The following NPHP1 variants were observed in gnomAD, a reference collection of about 807,000 sequenced individuals.
NPHP1 encodes the protein nephrocystin-1.
A neutral mutation model predicts 90.4 loss-of-function variants in NPHP1; 70 were observed. The observed-to-expected ratio is 0.77, with a 90% CI of 0.64 to 0.95. The LOEUF (loss-of-function observed/expected upper bound fraction) is 0.95. NPHP1 is among the 40% of genes least tolerant of loss of function. NPHP1 has a pLI of 0.00. For synonymous variants in NPHP1, 256 were observed against 271.7 expected, an observed-to-expected ratio of 0.94 and a Z score of 0.57; for missense variants, 764 against 795.9, an observed-to-expected ratio of 0.96 and a Z score of 0.48.
chr2:110,140,613 G>A (rs1041455369), intron 16 of NPHP1, among the ~76,000 whole-genome samples: 20 of 152,054 alleles, frequency 1.3e-4, no homozygotes, highest in African/African-American at 4.6e-4. Context: ...CCGGACTCTT[G>A]GAAGCTTATC....
chr2:110,194,170 A>C (rs2104683278), intron 2 of NPHP1, among the ~76,000 whole-genome samples: 1 of 152,278 alleles, frequency 6.6e-6, no homozygotes, highest in South Asian at 2.1e-4. Flanking sequence ...AGCAGAACTG[A>C]AGGAGATAGA....
chr2:110,149,829 C>T (rs1311672718), intron 12 of NPHP1, among the ~76,000 whole-genome samples: 1 of 152,136 alleles, frequency 6.6e-6, no homozygotes, highest in Non-Finnish European at 1.5e-5. Flanking sequence ...TGTAGCAGTC[C>T]CTCAGGCGTC....
At chr2:110,146,928 T>C (rs1429354147) in intron 13 of NPHP1, 93 bp from the exon 14 acceptor site, 1 of 879,058 alleles carries the variant, frequency 1.1e-6, no homozygotes, top group Non-Finnish European at 1.9e-6. Context: ...AAAATTAGTA[T>C]TCACCTTTAG....
Position 110,168,577 on chromosome 2 carries a change from A to G in NPHP1, c.523-24T>C, listed in dbSNP as rs202228210. Reference sequence around the variant, plus strand: ...TTCTTAAAGCAAAACAAAGTAAACCATTTTAAATAAAATTCAATAATCATG... The same window carrying G: ...TTCTTAAAGCAAAACAAAGTAAACCGTTTTAAATAAAATTCAATAATCATG... On this transcript the variant is annotated intron_variant, in intron 5 of 19. Coordinates refer to ENST00000445609, the MANE Select transcript of NPHP1 (RefSeq NM_001128178.3). 2.6e-5 allele frequency: 38 copies of G among 1,454,872 alleles called. No individual in the cohort carries two copies. In the East Asian group the frequency reaches 8.4e-4, roughly 32 times the overall value. The allele number at this position is 1,454,872 out of a possible 1,614,324, so 90.1% of individuals were successfully genotyped here. A position where few individuals can be genotyped will look rare whatever the true frequency, so the allele number is the denominator to read the frequency against.
At chr2:110,147,352 A>T (rs901722270) in intron 13 of NPHP1, among the ~76,000 whole-genome samples, 1 of 152,122 alleles carries the variant, frequency 6.6e-6, no homozygotes, top group Non-Finnish European at 1.5e-5. Flanking sequence ...ATGAATGGAC[A>T]GTGTAATACC....
chr2:110,162,158 C>A (rs1682392404), intron 9 of NPHP1, among the ~76,000 whole-genome samples: 1 of 152,106 alleles, frequency 6.6e-6, no homozygotes, highest in South Asian at 2.1e-4. Flanking sequence ...TCTACTCTTG[C>A]CAGATGCTAC....
intron 10 of NPHP1, 100 bp downstream of exon 10, chr2:110,161,502 GT>G: frequency 1.3e-6 from 1 of 791,322 alleles, no homozygotes; most frequent in Non-Finnish European, 2.1e-6. Flanking sequence ...CAATTTTTTT[GT>G]TTTTTATAAT....
intron 16 of NPHP1, among the ~76,000 whole-genome samples, chr2:110,141,642 G>A (rs1200002024): frequency 6.6e-6 from 1 of 152,040 alleles, no homozygotes; most frequent in East Asian, 1.9e-4. Context: ...CTCATACATT[G>A]CTAATGAGAG....
At chr2:110,187,171 T>C (rs1390999926) in intron 2 of NPHP1, among the ~76,000 whole-genome samples, 1 of 151,228 alleles carries the variant, frequency 6.6e-6, no homozygotes, top group Non-Finnish European at 1.5e-5. Context: ...ATAACCAAGA[T>C]CAGAGCTGAA....
intron 11 of NPHP1, among the ~76,000 whole-genome samples, chr2:110,155,586 T>C (rs1433225232): frequency 6.6e-6 from 1 of 152,186 alleles, no homozygotes; most frequent in African/African-American, 2.4e-5. Flanking sequence ...ACCCACCTCT[T>C]ACATCAGCGT....
intron 11 of NPHP1, among the ~76,000 whole-genome samples, chr2:110,153,450 G>C (rs1308884549): frequency 1.3e-5 from 2 of 152,136 alleles, no homozygotes; most frequent in Admixed American, 6.6e-5. Context: ...GGTGCTGTGT[G>C]ATAAGATTCT....
chr2:110,181,857 T>C (rs892714251), intron 2 of NPHP1, among the ~76,000 whole-genome samples: 13 of 152,144 alleles, frequency 8.5e-5, no homozygotes, highest in African/African-American at 2.9e-4. Flanking sequence ...TAAAGGAGTA[T>C]GTTGAAACCC....
chr2:110,190,231 C>G (rs948021817), intron 2 of NPHP1, among the ~76,000 whole-genome samples: 1 of 152,188 alleles, frequency 6.6e-6, no homozygotes, highest in Non-Finnish European at 1.5e-5. Context: ...ACCGTGCGCC[C>G]GCACTCCTCA....
chr2:110,146,977 A>G, intron 13 of NPHP1, 142 bp from the exon 14 acceptor site: 1 of 683,408 alleles, frequency 1.5e-6, no homozygotes, highest in Non-Finnish European at 2.7e-6. Flanking sequence ...AATGAAACAC[A>G]GTAGAATCTC....
chr2:110,150,464 G>T lies in NPHP1; in HGVS notation c.1084-208C>A, dbSNP rs74882894. Among the ~76,000 whole-genome samples, 9,806 of 152,214 alleles carry T rather than the reference G, an allele frequency of 0.064. 413 individuals carry two copies. The highest frequency in any genetic ancestry group is 0.12 in the African/African-American group (5,074 of 41,534). ...AATTCAGAGTTGGACTCCTATGCTA[G>T]TAATAAATTATATTAAGTGAATTCC... is the stretch of plus-strand genomic sequence containing the variant. On this transcript the variant is annotated intron_variant, in intron 11 of 19. Transcript: ENST00000445609.
At position 110,161,604 on chromosome 2, in the gene NPHP1, G is replaced by A. The variant is rs140469160; in HGVS notation, c.953C>T (p.Thr318Ile). Residue 318 changes from threonine (T) to isoleucine (I), a missense_variant and splice_region_variant, in exon 10 of 20, where the codon ACT becomes ATT. Physicochemically the swap from Thr to Ile is moderately conservative, Grantham distance 89. Coordinates refer to ENST00000445609, the MANE Select transcript of NPHP1 (RefSeq NM_001128178.3). ...RDLMWDATEG[T>I]IRSRPSRISL... ...TTTACTGATAGTAACTATACTTACA[G>A]TGCCTTCTGTAGCATCCCACATCAG... 1.5e-4 allele frequency: 233 copies of A among 1,592,154 alleles called. 4 individuals carry two copies. The African/African-American group carries it at 2.8e-3, about 19-fold the overall frequency.
chr2:110,189,994 A>G (rs1268087124), intron 2 of NPHP1, among the ~76,000 whole-genome samples: 2 of 152,192 alleles, frequency 1.3e-5, no homozygotes, highest in African/African-American at 4.8e-5. Context: ...CAGAGTAGCT[A>G]GATACAGAGT....
chr2:110,165,244 A>G, intron 6 of NPHP1, 89 bp from the exon 7 acceptor site: 1 of 967,172 alleles, frequency 1.0e-6, no homozygotes, highest in Non-Finnish European at 1.7e-6. Context: ...ACCCTCCAGT[A>G]AAAACAAAAA....
At chr2:110,179,533 AG>A in intron 3 of NPHP1, 90 bp downstream of exon 3, 1 of 690,522 alleles carries the variant, frequency 1.4e-6, no homozygotes, top group Non-Finnish European at 2.6e-6. Flanking sequence ...ACGTAAACCC[AG>A]GAACTTACCA....
Sources: allele counts gnomAD v4.1 joint callset (sites outside exome capture counted in the v4.1 genomes callset), GRCh38; gene constraint gnomAD v4.1.1; transcripts MANE v1.5; gene names NCBI Gene and HGNC (gene_info 2026-07-23, HGNC 2026-07-21).